The following NSD1 variants were observed in gnomAD, a reference collection of about 807,000 sequenced individuals.
The protein encoded by NSD1 is histone-lysine N-methyltransferase, H3 lysine-36 specific.
A neutral mutation model predicts 242.7 loss-of-function variants in NSD1; 26 were observed. The observed-to-expected ratio is 0.11, with a 90% CI of 0.08 to 0.15. The LOEUF (loss-of-function observed/expected upper bound fraction) is 0.15. Among genes scored for constraint, NSD1 ranks in the 10% least tolerant of loss-of-function variants. NSD1 has a pLI of 1.00. For synonymous variants in NSD1, 1,106 were observed against 1,178.1 expected (o/e 0.94, Z 1.25); for missense variants, 2,495 against 3,272.8 (o/e 0.76, Z 5.80).
chr5:177,242,767 G>C (rs1220538406), intron 8 of NSD1, among the ~76,000 whole-genome samples: 1 of 152,108 alleles, frequency 6.6e-6, no homozygotes, highest in Non-Finnish European at 1.5e-5. Flanking sequence ...GACCTCAGGT[G>C]ATCCGCCTGC....
intron 2 of NSD1, among the ~76,000 whole-genome samples, chr5:177,159,212 T>G (rs924049115): frequency 1.3e-5 from 2 of 151,188 alleles, no homozygotes; most frequent in Admixed American, 6.6e-5. Flanking sequence ...CCGGATTTTT[T>G]GTCTTAATTC....
chr5:177,182,020 C>T lies in NSD1; in HGVS notation c.928-9864C>T, dbSNP rs141679473. Among the ~76,000 whole-genome samples the T allele has an allele frequency of 4.8e-3, 731 of 151,954 alleles. 10 individuals carry two copies. The highest frequency in any genetic ancestry group is 0.017 in the African/African-American group (688 of 41,472). ...ACAAAAAATTAGCCAGGCATGGTGG[C>T]GGGCGTCTGTAGTCCTAGCTACTCG... On this transcript the variant is annotated intron_variant, in intron 2 of 22. Transcript: ENST00000439151.
intron 2 of NSD1, among the ~76,000 whole-genome samples, chr5:177,142,639 A>G (rs1756921380): frequency 6.6e-6 from 1 of 152,210 alleles, no homozygotes; most frequent in Non-Finnish European, 1.5e-5. Context: ...GTATAGTTGA[A>G]TGTTTTTACT....
At chr5:177,149,292 C>A (rs11950938) in intron 2 of NSD1, among the ~76,000 whole-genome samples, 1 of 151,348 alleles carries the variant, frequency 6.6e-6, no homozygotes, top group African/African-American at 2.4e-5. Context: ...CATCTCGGTT[C>A]ACTGCAACCT....
intron 2 of NSD1, among the ~76,000 whole-genome samples, chr5:177,186,879 G>A (rs1015935123): frequency 6.6e-5 from 10 of 151,892 alleles, no homozygotes; most frequent in Admixed American, 1.3e-4. Context: ...AAATCAACGC[G>A]CCACTGCACC....
chr5:177,145,123 A>G (rs1413911943), intron 2 of NSD1, among the ~76,000 whole-genome samples: 2 of 151,742 alleles, frequency 1.3e-5, no homozygotes, highest in East Asian at 3.9e-4. Context: ...AAAATGGAAT[A>G]TAAAAATCTC....
At chr5:177,221,523 G>A (rs1562226309) in intron 5 of NSD1, among the ~76,000 whole-genome samples, 1 of 151,990 alleles carries the variant, frequency 6.6e-6, no homozygotes. Flanking sequence ...CCAGGCTGGA[G>A]TGCAGTGGTA....
intron 18 of NSD1, 147 bp from the exon 19 acceptor site, chr5:177,282,318 C>G: frequency 1.4e-6 from 1 of 736,724 alleles, no homozygotes; most frequent in Non-Finnish European, 2.5e-6. Flanking sequence ...AGTTGGGGAT[C>G]GTAAAGTAAT....
intron 2 of NSD1, among the ~76,000 whole-genome samples, chr5:177,171,243 A>T (rs1388629677): frequency 6.6e-6 from 1 of 151,670 alleles, no homozygotes; most frequent in African/African-American, 2.4e-5. Flanking sequence ...GGGGGCAGAG[A>T]TTGCAGTGAG....
At chr5:177,224,336 T>A (rs1001719299) in intron 5 of NSD1, among the ~76,000 whole-genome samples, 3 of 152,118 alleles carry the variant, frequency 2.0e-5, no homozygotes, top group Non-Finnish European at 4.4e-5. Context: ...GTCTTTCACT[T>A]CTTTCCATGA....
chr5:177,185,826 A>G (rs1381138510), intron 2 of NSD1, among the ~76,000 whole-genome samples: 1 of 91,532 alleles, frequency 1.1e-5, no homozygotes, highest in Non-Finnish European at 1.9e-5. Flanking sequence ...TATATAATAT[A>G]TAAGTTTTAT....
At chr5:177,266,206 C>T (rs1757438221) in intron 14 of NSD1, 3 of 950,672 alleles carry the variant, frequency 3.2e-6, no homozygotes, top group African/African-American at 3.2e-5. Context: ...AGCCCATCCA[C>T]TTGCTGATGA....
intron 16 of NSD1, among the ~76,000 whole-genome samples, chr5:177,272,848 A>G (rs1758052447): frequency 6.6e-6 from 1 of 152,096 alleles, no homozygotes; most frequent in Non-Finnish European, 1.5e-5. Context: ...GCTCCATTGC[A>G]CTCCAACCAG....
intron 21 of NSD1, among the ~76,000 whole-genome samples, chr5:177,290,207 C>T (rs1759708072): frequency 6.8e-6 from 1 of 146,190 alleles, no homozygotes; most frequent in African/African-American, 2.6e-5. Flanking sequence ...GATGGACATA[C>T]TAGATGAACA....
intron 5 of NSD1, among the ~76,000 whole-genome samples, chr5:177,229,199 T>A (rs189125892): frequency 1.6e-4 from 25 of 152,356 alleles, no homozygotes; most frequent in Non-Finnish European, 2.9e-4. Flanking sequence ...TTGGGCTGTT[T>A]CAACTTTTTG....
rs1554196719 is a variant in NSD1 at position 177,242,514 on chromosome 5, A to ATTTATTTAT, written c.4303-1679_4303-1678insTATTTATTT. Among the ~76,000 whole-genome samples the ATTTATTTAT allele has an allele frequency of 1.9e-4, 28 of 145,584 alleles. No individual in the cohort carries two copies. In the South Asian group the frequency reaches 5.1e-3, roughly 26 times the overall value. On this transcript the variant is annotated intron_variant, in intron 8 of 22. Transcript: ENST00000439151. The stretch of plus-strand genomic sequence containing the variant: ...GAACTCTACAACAAAAATGGCCTTT[A>ATTTATTTAT]TTATTTATTTATTTATTTATTTATT...
intron 2 of NSD1, among the ~76,000 whole-genome samples, chr5:177,173,174 C>T (rs779724690): frequency 8.2e-4 from 124 of 150,814 alleles, no homozygotes; most frequent in Non-Finnish European, 1.1e-3. Flanking sequence ...TGCCTGTAGT[C>T]CCAGCTACTC....
intron 2 of NSD1, among the ~76,000 whole-genome samples, chr5:177,178,457 C>G (rs1009582965): frequency 6.6e-6 from 1 of 152,152 alleles, no homozygotes; most frequent in East Asian, 1.9e-4. Context: ...AACTCCCGAC[C>G]TTAGGTGATC....
chr5:177,147,376 G>A (rs1757339637), intron 2 of NSD1, among the ~76,000 whole-genome samples: 1 of 152,094 alleles, frequency 6.6e-6, no homozygotes, highest in African/African-American at 2.4e-5. Context: ...CAAATGGCTG[G>A]GATTACAGGC....
Sources: allele counts gnomAD v4.1 joint callset (sites outside exome capture counted in the v4.1 genomes callset), GRCh38; gene constraint gnomAD v4.1.1; transcripts MANE v1.5; gene names NCBI Gene and HGNC (gene_info 2026-07-23, HGNC 2026-07-21).